Variants in ATXN1 observed in about 807,000 individuals in gnomAD.
The protein encoded by ATXN1 is ataxin-1.
Under a neutral mutation model 56.4 loss-of-function variants are expected in ATXN1, and 8 were observed. The observed-to-expected ratio is 0.14, with a 90% CI of 0.08 to 0.26. The LOEUF is 0.26. Among genes scored for constraint, ATXN1 ranks in the 10% least tolerant of loss-of-function variants. The pLI is 1.00. For synonymous variants in ATXN1, 514 were observed against 494.6 expected (o/e 1.04, Z -0.52); for missense variants, 987 against 1,106.5 (o/e 0.89, Z 1.53).
At chr6:16,395,284 AAAAAAAACAAG>A (rs1758430944) in intron 6 of ATXN1, among the ~76,000 whole-genome samples, 2 of 151,286 alleles carry the variant, frequency 1.3e-5, no homozygotes, top group African/African-American at 4.9e-5. Flanking sequence ...AAAAAAAAAA[AAAAAAAACAAG>A]AACAAAAACA....
chr6:16,387,910 A>G (rs1561876549), intron 6 of ATXN1, among the ~76,000 whole-genome samples: 1 of 152,202 alleles, frequency 6.6e-6, no homozygotes, highest in Non-Finnish European at 1.5e-5. Flanking sequence ...AACAACAACA[A>G]TGAATTTAGT....
At chr6:16,579,633 C>T (rs1762492100) in intron 4 of ATXN1, among the ~76,000 whole-genome samples, 1 of 152,084 alleles carries the variant, frequency 6.6e-6, no homozygotes, top group Non-Finnish European at 1.5e-5. Flanking sequence ...GGCATCAGCA[C>T]TGAATTCTTG....
At chr6:16,446,208 T>C (rs1042740204) in intron 6 of ATXN1, among the ~76,000 whole-genome samples, 2 of 151,948 alleles carry the variant, frequency 1.3e-5, no homozygotes, top group East Asian at 1.9e-4. Context: ...TTTTTAATGA[T>C]TGCCATTCTA....
At chr6:16,455,667 G>A (rs1759852018) in intron 6 of ATXN1, among the ~76,000 whole-genome samples, 1 of 152,116 alleles carries the variant, frequency 6.6e-6, no homozygotes, top group Non-Finnish European at 1.5e-5. Flanking sequence ...ATGAACTGTG[G>A]TACATCCATA....
intron 4 of ATXN1, among the ~76,000 whole-genome samples, chr6:16,553,522 T>C (rs1279467803): frequency 6.6e-6 from 1 of 152,246 alleles, no homozygotes; most frequent in African/African-American, 2.4e-5. Context: ...AACTATAATG[T>C]AGTGCCATGT....
At position 16,506,688 on chromosome 6, in the gene ATXN1, T is replaced by C. The variant is rs1760987132; in HGVS notation, c.-299+15939A>G. Among the ~76,000 whole-genome samples the C allele has an allele frequency of 6.6e-6, 1 of 152,228 alleles. No individual in the cohort carries two copies. The highest frequency in any genetic ancestry group is 6.5e-5 in the Admixed American group (1 of 15,274). ...CAAAGATGTGAAATGAACATTATCA[T>C]TATTTGTTTCAGTGGAGGCTCACTG... On this transcript the variant is annotated intron_variant, in intron 5 of 7. Transcript: ENST00000436367. This position sits in a 1 kb window ranked among gnomAD's most constrained non-coding sequence, Gnocchi z 4.1.
At chr6:16,618,841 G>A (rs1241461333) in intron 3 of ATXN1, among the ~76,000 whole-genome samples, 1 of 150,816 alleles carries the variant, frequency 6.6e-6, no homozygotes, top group Non-Finnish European at 1.5e-5. Flanking sequence ...ATCAACGTAA[G>A]TAAAATTCAA....
At chr6:16,702,532 A>G (rs565582101) in intron 2 of ATXN1, among the ~76,000 whole-genome samples, 9 of 152,362 alleles carry the variant, frequency 5.9e-5, no homozygotes, top group African/African-American at 2.2e-4. Flanking sequence ...AGAAACTACC[A>G]TCGGAGTGAA....
chr6:16,711,250 A>G (rs1446591524), intron 2 of ATXN1, among the ~76,000 whole-genome samples: 1 of 152,212 alleles, frequency 6.6e-6, no homozygotes, highest in Admixed American at 6.5e-5. Context: ...CCTACACCTC[A>G]TATCTTAATT....
chr6:16,668,566 T>C (rs1387197612), intron 2 of ATXN1, among the ~76,000 whole-genome samples: 1 of 152,104 alleles, frequency 6.6e-6, no homozygotes, highest in African/African-American at 2.4e-5. Flanking sequence ...AGCTCCATGC[T>C]AGTTTATTTG....
intron 3 of ATXN1, 33 bp downstream of exon 3, chr6:16,657,743 G>A (rs2113359796): frequency 6.6e-6 from 1 of 152,324 alleles, no homozygotes; most frequent in Non-Finnish European, 1.5e-5. Flanking sequence ...GACATTTAAA[G>A]CTAAAAGATG....
chr6:16,597,646 G>T (rs1561772066), intron 3 of ATXN1, among the ~76,000 whole-genome samples: 1 of 152,104 alleles, frequency 6.6e-6, no homozygotes, highest in East Asian at 1.9e-4. Flanking sequence ...CACCATGTTG[G>T]TTAGGCTGAT....
At chr6:16,364,585 G>A (rs1456018687) in intron 6 of ATXN1, among the ~76,000 whole-genome samples, 1 of 152,194 alleles carries the variant, frequency 6.6e-6, no homozygotes, top group African/African-American at 2.4e-5. Flanking sequence ...TTACAGGCAT[G>A]AGCCACCGCA....
intron 2 of ATXN1, among the ~76,000 whole-genome samples, chr6:16,752,239 C>G (rs1023199973): frequency 2.6e-5 from 4 of 152,102 alleles, no homozygotes; most frequent in Non-Finnish European, 1.5e-5. Context: ...GGGAGATTTG[C>G]TAAAAGTAGA....
At chr6:16,354,877 A>ATGTGGTCTTGTAGCC (rs1761652570) in intron 6 of ATXN1, among the ~76,000 whole-genome samples, 1 of 152,250 alleles carries the variant, frequency 6.6e-6, no homozygotes, top group Non-Finnish European at 1.5e-5. Flanking sequence ...AGCAGCAGCC[A>ATGTGGTCTTGTAGCC]TGTGGTCTTG....
chr6:16,592,091 A>C (rs1762732870), intron 3 of ATXN1, among the ~76,000 whole-genome samples: 1 of 151,820 alleles, frequency 6.6e-6, no homozygotes, highest in Non-Finnish European at 1.5e-5. Flanking sequence ...CCGGAGTAAG[A>C]CTCAACCTCC....
chr6:16,300,242 T>C lies in ATXN1; in HGVS notation c.*6087A>G, dbSNP rs1465213572. The C allele has an allele frequency of 6.6e-6, 1 of 152,616 alleles. No individual in the cohort carries two copies. The highest frequency in any genetic ancestry group is 1.5e-5 in the Non-Finnish European group (1 of 68,048). 9.5% of individuals were successfully genotyped at this position (152,616 alleles called of 1,614,324 possible). A position where few individuals can be genotyped will look rare whatever the true frequency, so the allele number is the denominator to read the frequency against. Reference sequence around the variant, plus strand: ...TTTCAGATAAGAAAAGTTATGGAAATTCTTAGAGATTGTTGTTATTGTATA... The same window carrying C: ...TTTCAGATAAGAAAAGTTATGGAAACTCTTAGAGATTGTTGTTATTGTATA... On this transcript the variant is annotated 3_prime_UTR_variant, in exon 8 of 8. Transcript: ENST00000436367.
chr6:16,324,834 T>C (rs2113405322), intron 7 of ATXN1, among the ~76,000 whole-genome samples: 1 of 152,350 alleles, frequency 6.6e-6, no homozygotes, highest in Admixed American at 6.5e-5. Context: ...CAGCTGACTT[T>C]ACCCCAAGCC....
At chr6:16,542,813 A>G (rs1761740814) in intron 4 of ATXN1, among the ~76,000 whole-genome samples, 1 of 152,012 alleles carries the variant, frequency 6.6e-6, no homozygotes, top group Non-Finnish European at 1.5e-5. Flanking sequence ...TAATTTATAA[A>G]TAAGTCACAG....
Sources: gnomAD v4.1 joint callset for allele counts (sites outside exome capture counted in the v4.1 genomes callset) on GRCh38, gnomAD v4.1.1 for gene constraint, Gnocchi (gnomAD v3.1) non-coding constraint, MANE v1.5 for transcripts, NCBI Gene and HGNC (gene_info 2026-07-23, HGNC 2026-07-21) for gene names.